The following IQCM variants were observed in gnomAD, a reference collection of about 807,000 sequenced individuals.
IQCM encodes IQ motif containing M.
Under a neutral mutation model 57.6 loss-of-function variants are expected in IQCM, and 45 were observed. The ratio of observed to expected loss-of-function variants is 0.78; its 90% CI spans 0.62 to 1.00. The LOEUF is 1.00. Ranked by LOEUF, IQCM falls within the 50% of genes least tolerant of loss-of-function variation. IQCM has a pLI of 0.00. For synonymous variants in IQCM, 148 were observed against 158.9 expected (o/e 0.93, Z 0.51); for missense variants, 468 against 511.6 (o/e 0.91, Z 0.82).
At chr4:149,679,499 A>G (rs1762016977) in intron 7 of IQCM, among the ~76,000 whole-genome samples, 1 of 151,616 alleles carries the variant, frequency 6.6e-6, no homozygotes, top group Non-Finnish European at 1.5e-5. Flanking sequence ...ATGTTTCAAA[A>G]TAGCTAGAAG....
chr4:149,792,004 A>G (rs908197288), intron 2 of IQCM, among the ~76,000 whole-genome samples: 1 of 152,186 alleles, frequency 6.6e-6, no homozygotes, highest in South Asian at 2.1e-4. Context: ...CAGAGACTAA[A>G]CTGATGCAAA....
intron 12 of IQCM, among the ~76,000 whole-genome samples, chr4:149,455,527 C>T (rs990753532): frequency 6.6e-6 from 1 of 152,066 alleles, no homozygotes; most frequent in Admixed American, 6.6e-5. Flanking sequence ...TTTTACAACT[C>T]CCAGACACTC....
chr4:149,664,626 C>T (rs1760525795), intron 7 of IQCM, among the ~76,000 whole-genome samples: 1 of 152,128 alleles, frequency 6.6e-6, no homozygotes, highest in Admixed American at 6.5e-5. Flanking sequence ...GGCAATGCCA[C>T]AGTTTTGTTG....
At chr4:149,589,097 T>C (rs910448381) in intron 8 of IQCM, among the ~76,000 whole-genome samples, 2 of 151,938 alleles carry the variant, frequency 1.3e-5, no homozygotes, top group Non-Finnish European at 2.9e-5. Context: ...AAATGTAAAA[T>C]TGATAGCTAG....
intron 9 of IQCM, among the ~76,000 whole-genome samples, chr4:149,585,291 C>G (rs974056116): frequency 1.3e-5 from 2 of 151,520 alleles, no homozygotes; most frequent in Non-Finnish European, 3.0e-5. Context: ...GTAAGGAAAC[C>G]TCTAGCCGAA....
At chr4:149,504,102 T>A (rs1743537924) in intron 12 of IQCM, among the ~76,000 whole-genome samples, 2 of 152,080 alleles carry the variant, frequency 1.3e-5, no homozygotes, top group Non-Finnish European at 2.9e-5. Flanking sequence ...ATTTTTCATC[T>A]ATCAGATTAA....
chr4:149,719,898 T>A (rs1765305030), intron 5 of IQCM, among the ~76,000 whole-genome samples: 1 of 152,070 alleles, frequency 6.6e-6, no homozygotes, highest in Non-Finnish European at 1.5e-5. Flanking sequence ...TTGTTACCAG[T>A]TCTAAGGTTA....
At chr4:149,810,016 A>C (rs1159474524) in intron 2 of IQCM, among the ~76,000 whole-genome samples, 2 of 137,988 alleles carry the variant, frequency 1.4e-5, no homozygotes, top group Admixed American at 7.2e-5. Flanking sequence ...CTGTAGATAT[A>C]CAGATATATA....
At position 149,437,601 on chromosome 4, in the gene IQCM, G is replaced by A. The variant is rs527353809; in HGVS notation, c.1229-4044C>T. Among the ~76,000 whole-genome samples, 74 of 152,066 alleles carry A rather than the reference G, an allele frequency of 4.9e-4. 1 individual carries two copies. In the South Asian group the frequency reaches 0.015, roughly 32 times the overall value. The stretch of plus-strand genomic sequence containing the variant: ...CTTCCTCTCCCAAACAATGTGCTGT[G>A]TTATTGAGAGCTTGGTGCCTCCCTC... On this transcript the variant is annotated intron_variant, in intron 12 of 13. Coordinates refer to ENST00000636793, the MANE Select transcript of IQCM (RefSeq NM_001363507.2).
intron 8 of IQCM, among the ~76,000 whole-genome samples, chr4:149,617,607 C>G (rs1370655993): frequency 6.6e-6 from 1 of 152,022 alleles, no homozygotes; most frequent in Non-Finnish European, 1.5e-5. Flanking sequence ...TTTATAAACA[C>G]CTAAAGTCTC....
chr4:149,724,780 T>C (rs542194715), intron 5 of IQCM, among the ~76,000 whole-genome samples: 1 of 152,194 alleles, frequency 6.6e-6, no homozygotes, highest in Non-Finnish European at 1.5e-5. Context: ...ATGCAAATTA[T>C]ATATTATATA....
At chr4:149,794,200 T>G (rs1772903297) in intron 2 of IQCM, among the ~76,000 whole-genome samples, 1 of 152,176 alleles carries the variant, frequency 6.6e-6, no homozygotes, top group Non-Finnish European at 1.5e-5. Context: ...AGGGCAGTAT[T>G]GAGGATATTT....
At chr4:149,698,220 C>T (rs2149807928) in intron 5 of IQCM, among the ~76,000 whole-genome samples, 1 of 151,896 alleles carries the variant, frequency 6.6e-6, no homozygotes, top group South Asian at 2.1e-4. Context: ...TGTTAGGGAC[C>T]ATGGAGGTTA....
At chr4:149,750,434 G>T (rs938524858) in intron 2 of IQCM, among the ~76,000 whole-genome samples, 1 of 152,128 alleles carries the variant, frequency 6.6e-6, no homozygotes, top group Non-Finnish European at 1.5e-5. Flanking sequence ...TTTATTTCTG[G>T]GGGATTTCAG....
chr4:149,442,923 AAT>A (rs1280471809), intron 12 of IQCM, among the ~76,000 whole-genome samples: 3 of 136,086 alleles, frequency 2.2e-5, no homozygotes, highest in Non-Finnish European at 3.1e-5. Flanking sequence ...GCTATCTCTC[AAT>A]ACACACACAC....
At chr4:149,812,026 A>G (rs1197337383) in intron 2 of IQCM, among the ~76,000 whole-genome samples, 1 of 152,174 alleles carries the variant, frequency 6.6e-6, no homozygotes, top group Non-Finnish European at 1.5e-5. Context: ...GTGGCCACAT[A>G]CTCAGCCTCC....
intron 13 of IQCM, among the ~76,000 whole-genome samples, chr4:149,426,305 C>T (rs1020546625): frequency 2.0e-5 from 3 of 151,926 alleles, no homozygotes; most frequent in African/African-American, 7.2e-5. Context: ...TCTAGTAACA[C>T]ATTTCTGAAA....
intron 2 of IQCM, among the ~76,000 whole-genome samples, chr4:149,811,762 T>C (rs1008080069): frequency 6.6e-6 from 1 of 152,156 alleles, no homozygotes; most frequent in African/African-American, 2.4e-5. Context: ...CTGGGCTCCA[T>C]CAAAATGTCC....
At chr4:149,352,090 C>T in intron 13 of IQCM, 24 bp from the exon 14 acceptor site, 1 of 398,842 alleles carries the variant, frequency 2.5e-6, no homozygotes, top group Non-Finnish European at 4.4e-6. Flanking sequence ...CATACAGTCA[C>T]ATTAATATAT....
Sources: gnomAD v4.1 joint callset for allele counts (sites outside exome capture counted in the v4.1 genomes callset) on GRCh38, gnomAD v4.1.1 for gene constraint, MANE v1.5 for transcripts, NCBI Gene and HGNC (gene_info 2026-07-23, HGNC 2026-07-21) for gene names.